Variants in RCAN2 observed in about 807,000 individuals in gnomAD.
The protein encoded by RCAN2 is calcipressin-2.
RCAN2 carries 9 observed loss-of-function variants against 23.6 expected under a neutral mutation model. The observed-to-expected ratio is 0.38, with a 90% CI of 0.23 to 0.67. The LOEUF is 0.67. RCAN2 is among the 30% of genes least tolerant of loss of function. The pLI is 0.51. For synonymous variants in RCAN2, 109 were observed against 115.7 expected (o/e 0.94, Z 0.37); for missense variants, 273 against 302.3 (o/e 0.90, Z 0.72).
rs779963616 is a variant in RCAN2 at position 46,221,500 on chromosome 6, G to C, written c.*1641C>G. Reference sequence around the variant, plus strand: ...ACTCCTCAGATTTTATTTTTAAAAGGAGTTTTCATTTTCCTTATGGAAACT... The same window carrying C: ...ACTCCTCAGATTTTATTTTTAAAAGCAGTTTTCATTTTCCTTATGGAAACT... On this transcript the variant is annotated 3_prime_UTR_variant, in exon 5 of 5. Transcript: ENST00000371374. 3 of 156,158 alleles carry C rather than the reference G, an allele frequency of 1.9e-5. No individual in the cohort carries two copies. The East Asian group carries it at 5.6e-4, about 29-fold the overall frequency. The allele number at this position is 156,158 out of a possible 1,614,324, so 9.7% of individuals were successfully genotyped here.
At chr6:46,256,015 A>C (rs1422268850) in intron 2 of RCAN2, among the ~76,000 whole-genome samples, 1 of 152,190 alleles carries the variant, frequency 6.6e-6, no homozygotes, top group Non-Finnish European at 1.5e-5. Context: ...ATTGTAGAGC[A>C]CAAATGGTAC....
At chr6:46,435,037 G>A (rs191716017) in intron 2 of RCAN2, among the ~76,000 whole-genome samples, 5 of 152,240 alleles carry the variant, frequency 3.3e-5, no homozygotes, top group Admixed American at 6.5e-5. Context: ...ATGTCGTTGC[G>A]ATGCATTATT....
intron 2 of RCAN2, among the ~76,000 whole-genome samples, chr6:46,371,928 G>A (rs1332981749): frequency 4.6e-5 from 7 of 152,196 alleles, no homozygotes; most frequent in Non-Finnish European, 7.3e-5. Flanking sequence ...GAGATCTCTT[G>A]TTGATCATTT....
chr6:46,470,555 C>T (rs1768530645), intron 1 of RCAN2, among the ~76,000 whole-genome samples: 1 of 152,172 alleles, frequency 6.6e-6, no homozygotes, highest in South Asian at 2.1e-4. Flanking sequence ...AATAGCTCTA[C>T]CTTTCAGATG....
intron 1 of RCAN2, among the ~76,000 whole-genome samples, chr6:46,485,014 T>C (rs993516419): frequency 2.0e-5 from 3 of 152,134 alleles, no homozygotes; most frequent in Non-Finnish European, 4.4e-5. Flanking sequence ...AAAAAAACAA[T>C]TAAAAGCAAT....
intron 1 of RCAN2, among the ~76,000 whole-genome samples, chr6:46,487,023 A>T (rs567518295): frequency 6.6e-6 from 1 of 152,388 alleles, no homozygotes; most frequent in East Asian, 1.9e-4. Flanking sequence ...ACACAAGAAC[A>T]GTGAACACTT....
intron 2 of RCAN2, among the ~76,000 whole-genome samples, chr6:46,344,325 A>AT (rs1011956249): frequency 6.6e-6 from 1 of 152,226 alleles, no homozygotes. Context: ...TCTAGAAATG[A>AT]TTTTTTTCAC....
rs376143344 is a variant in RCAN2 at position 46,288,272 on chromosome 6, T to C, written c.226-39376A>G. Reference sequence around the variant, plus strand: ...AACCATTAAAAGAAACAAGTAACCATAGCAGTAACTTTTGGAGAGTAGACC... The same window carrying C: ...AACCATTAAAAGAAACAAGTAACCACAGCAGTAACTTTTGGAGAGTAGACC... On this transcript the variant is annotated intron_variant, in intron 2 of 4. Coordinates refer to ENST00000371374, the MANE Select transcript of RCAN2 (RefSeq NM_001251974.2). Among the ~76,000 whole-genome samples the C allele has an allele frequency of 1.6e-4, 25 of 152,298 alleles. No individual in the cohort carries two copies. The South Asian group carries it at 5.0e-3, about 30-fold the overall frequency.
intron 2 of RCAN2, among the ~76,000 whole-genome samples, chr6:46,294,043 C>T (rs553130005): frequency 1.7e-4 from 26 of 152,208 alleles, no homozygotes; most frequent in African/African-American, 5.1e-4. Flanking sequence ...ATTGGGGCAC[C>T]GTGTGCCAAG....
intron 2 of RCAN2, among the ~76,000 whole-genome samples, chr6:46,268,578 A>T (rs138773670): frequency 6.6e-6 from 1 of 152,188 alleles, no homozygotes; most frequent in Non-Finnish European, 1.5e-5. Context: ...CTCCCATGAT[A>T]GTGACAGGTG....
At chr6:46,287,152 T>G (rs1012651894) in intron 2 of RCAN2, among the ~76,000 whole-genome samples, 2 of 152,062 alleles carry the variant, frequency 1.3e-5, no homozygotes, top group Admixed American at 6.6e-5. Context: ...GGCACAAAAC[T>G]TTGCCTGAAA....
At chr6:46,411,588 T>C (rs189824973) in intron 2 of RCAN2, among the ~76,000 whole-genome samples, 1 of 152,202 alleles carries the variant, frequency 6.6e-6, no homozygotes, top group African/African-American at 2.4e-5. Flanking sequence ...CATGGAGGTT[T>C]TGGGAGACAG....
At chr6:46,365,515 G>A (rs1029799944) in intron 2 of RCAN2, among the ~76,000 whole-genome samples, 10 of 143,684 alleles carry the variant, frequency 7.0e-5, no homozygotes, top group African/African-American at 2.5e-4. Flanking sequence ...AAAAGAAAAA[G>A]AAAAAAAGAA....
intron 2 of RCAN2, among the ~76,000 whole-genome samples, chr6:46,288,738 G>T (rs972106851): frequency 1.3e-5 from 2 of 152,232 alleles, no homozygotes; most frequent in African/African-American, 4.8e-5. Flanking sequence ...CCTTGGGCAG[G>T]ATGCCCTTAG....
chr6:46,391,927 T>A (rs545197070), intron 2 of RCAN2, among the ~76,000 whole-genome samples: 2 of 151,992 alleles, frequency 1.3e-5, no homozygotes, highest in Non-Finnish European at 2.9e-5. Context: ...AAGAGAAAAA[T>A]CAAGGTTTAC....
intron 1 of RCAN2, among the ~76,000 whole-genome samples, chr6:46,460,521 G>A (rs114339239): frequency 1.1e-3 from 166 of 152,264 alleles, no homozygotes; most frequent in Middle Eastern, 3.4e-3. Flanking sequence ...GCCATTTTCC[G>A]GGAGGGCTTC....
At chr6:46,279,470 C>G (rs115338614) in intron 2 of RCAN2, among the ~76,000 whole-genome samples, 3,491 of 152,286 alleles carry the variant, frequency 0.023, 53 homozygotes, top group Non-Finnish European at 0.037. Context: ...GCCCTGGCCT[C>G]TATCCACTAA....
intron 2 of RCAN2, among the ~76,000 whole-genome samples, chr6:46,417,777 C>T: frequency 6.6e-6 from 1 of 152,214 alleles, no homozygotes; most frequent in Non-Finnish European, 1.5e-5. Context: ...ATTTGTGTGA[C>T]AGGTCTAATG....
chr6:46,352,490 G>T (rs556287162), intron 2 of RCAN2, among the ~76,000 whole-genome samples: 1 of 152,056 alleles, frequency 6.6e-6, no homozygotes, highest in Non-Finnish European at 1.5e-5. Flanking sequence ...AGGCTTCATC[G>T]GCCTCTCCCC....
Sources: gnomAD v4.1 joint callset for allele counts (sites outside exome capture counted in the v4.1 genomes callset) on GRCh38, gnomAD v4.1.1 for gene constraint, MANE v1.5 for transcripts, NCBI Gene and HGNC (gene_info 2026-07-23, HGNC 2026-07-21) for gene names.